The following DPP10 variants were observed in gnomAD, a reference collection of about 807,000 sequenced individuals.
The protein encoded by DPP10 is inactive dipeptidyl peptidase 10.
Under a neutral mutation model 120.9 loss-of-function variants are expected in DPP10, and 33 were observed. The ratio of observed to expected loss-of-function variants is 0.27; its 90% CI spans 0.21 to 0.37. DPP10 has a LOEUF of 0.37. Ranked by LOEUF, DPP10 falls within the 10% of genes least tolerant of loss-of-function variation. The probability of loss-of-function intolerance (pLI) is 1.00; values close to 1 mark genes in which losing one functional copy is unlikely to be tolerated. For synonymous variants in DPP10, 337 were observed against 326.1 expected (o/e 1.03, Z -0.36); for missense variants, 816 against 942.8 (o/e 0.87, Z 1.76).
intron 1 of DPP10, among the ~76,000 whole-genome samples, chr2:114,468,756 T>TG (rs1046596942): frequency 4.9e-4 from 74 of 152,316 alleles, no homozygotes; most frequent in African/African-American, 1.7e-3. Flanking sequence ...CAGAAGAGGA[T>TG]GCAGAACTTT....
chr2:114,639,101 G>A (rs941654039), intron 1 of DPP10, among the ~76,000 whole-genome samples: 2 of 151,826 alleles, frequency 1.3e-5, no homozygotes, highest in Non-Finnish European at 2.9e-5. Flanking sequence ...TGCTAATAAA[G>A]ACATACATAA....
intron 3 of DPP10, among the ~76,000 whole-genome samples, chr2:115,462,388 G>T (rs1389465203): frequency 6.6e-6 from 1 of 152,130 alleles, no homozygotes; most frequent in Non-Finnish European, 1.5e-5. Context: ...CAGCAGCAAG[G>T]TGATCACTAC....
At position 115,724,456 on chromosome 2, in the gene DPP10, C is replaced by T. The variant is rs140642110; in HGVS notation, c.577-3360C>T. Among the ~76,000 whole-genome samples, 652 of 152,280 alleles carry T rather than the reference C, an allele frequency of 4.3e-3. 6 individuals carry two copies. Among genetic ancestry groups the T allele is most frequent in the African/African-American group, 0.015 (628 of 41,558 alleles). ...TTGACTAACACATTGATTCGAATAT[C>T]CCTTGAAACATTTATGACATATTTC... is the stretch of plus-strand genomic sequence containing the variant. On this transcript the variant is annotated intron_variant, in intron 7 of 25. Coordinates refer to ENST00000410059, the MANE Select transcript of DPP10 (RefSeq NM_020868.6).
At chr2:115,705,858 G>A (rs1044511304) in intron 7 of DPP10, among the ~76,000 whole-genome samples, 3 of 151,664 alleles carry the variant, frequency 2.0e-5, no homozygotes, top group Non-Finnish European at 2.9e-5. Flanking sequence ...CATATCTAAC[G>A]TCTAATGGGT....
At chr2:114,576,834 G>T (rs565162523) in intron 1 of DPP10, among the ~76,000 whole-genome samples, 1 of 151,848 alleles carries the variant, frequency 6.6e-6, no homozygotes, top group South Asian at 2.1e-4. Context: ...GGGTCATCCT[G>T]TGTAGAAATT....
intron 3 of DPP10, among the ~76,000 whole-genome samples, chr2:115,495,365 G>GGAAAA (rs10649835): frequency 1.2e-5 from 1 of 82,240 alleles, no homozygotes; most frequent in African/African-American, 4.5e-5. Context: ...GCCATTTTCT[G>GGAAAA]AAAAAAAAAA....
intron 1 of DPP10, among the ~76,000 whole-genome samples, chr2:115,064,164 C>T (rs1706653220): frequency 6.6e-6 from 1 of 151,728 alleles, no homozygotes; most frequent in Non-Finnish European, 1.5e-5. Context: ...TTTTCTCTCC[C>T]TAATGTTAAA....
intron 1 of DPP10, among the ~76,000 whole-genome samples, chr2:114,766,191 C>G (rs919856258): frequency 6.6e-6 from 1 of 151,742 alleles, no homozygotes; most frequent in African/African-American, 2.4e-5. Context: ...TGGAAAAGAC[C>G]TAAATGGAAC....
At chr2:114,591,786 C>T (rs1421434103) in intron 1 of DPP10, among the ~76,000 whole-genome samples, 3 of 151,984 alleles carry the variant, frequency 2.0e-5, no homozygotes, top group Admixed American at 2.0e-4. Flanking sequence ...AACTCCTGAC[C>T]TCATGATCTG....
At chr2:115,678,360 G>T (rs926381292) in intron 5 of DPP10, among the ~76,000 whole-genome samples, 6 of 152,234 alleles carry the variant, frequency 3.9e-5, no homozygotes, top group Admixed American at 2.6e-4. Flanking sequence ...CTACTTTCCA[G>T]CTGCTCCTGC....
At chr2:114,532,342 A>C (rs150929134) in intron 1 of DPP10, among the ~76,000 whole-genome samples, 2,023 of 146,440 alleles carry the variant, frequency 0.014, 41 homozygotes, top group African/African-American at 0.043. Context: ...ATATCTCTCT[A>C]TATATATGTA....
At chr2:115,484,214 T>A (rs1157674295) in intron 3 of DPP10, among the ~76,000 whole-genome samples, 1 of 151,660 alleles carries the variant, frequency 6.6e-6, no homozygotes, top group East Asian at 2.0e-4. Flanking sequence ...CTTACCTGCA[T>A]TATGAAATGC....
At chr2:114,811,966 C>A (rs1188906698) in intron 1 of DPP10, among the ~76,000 whole-genome samples, 1 of 152,114 alleles carries the variant, frequency 6.6e-6, no homozygotes, top group African/African-American at 2.4e-5. Flanking sequence ...TATTTCCATC[C>A]CCAGCAGGAA....
chr2:115,079,495 G>T (rs1257121274), intron 1 of DPP10, among the ~76,000 whole-genome samples: 1 of 152,214 alleles, frequency 6.6e-6, no homozygotes, highest in Non-Finnish European at 1.5e-5. Flanking sequence ...GGGAGGCCCA[G>T]AGGAACAGTG....
intron 1 of DPP10, among the ~76,000 whole-genome samples, chr2:114,508,240 CT>C (rs1202663502): frequency 6.6e-6 from 1 of 152,162 alleles, no homozygotes; most frequent in Admixed American, 6.5e-5. Flanking sequence ...TCCTCATGTC[CT>C]TTTGCAATCA....
intron 1 of DPP10, among the ~76,000 whole-genome samples, chr2:114,845,540 C>G (rs1688480022): frequency 1.3e-5 from 2 of 152,208 alleles, no homozygotes; most frequent in African/African-American, 4.8e-5. Flanking sequence ...GACAGGGCCA[C>G]CACATACAGC....
Position 115,339,823 on chromosome 2 carries a change from G to C in DPP10, c.176-3994G>C, listed in dbSNP as rs547663750. On this transcript the variant is annotated intron_variant, in intron 2 of 25. Transcript: ENST00000410059. ...AGGGATTGGGTGGGGGACTGTTAAT[G>C]AAAGAGTGGCAGAAGAGATCCTAGT... is the stretch of plus-strand genomic sequence containing the variant. Among the ~76,000 whole-genome samples, 9 of 152,308 alleles carry C rather than the reference G, an allele frequency of 5.9e-5. No individual in the cohort carries two copies. In the East Asian group the frequency reaches 1.5e-3, roughly 26 times the overall value.
At chr2:115,002,260 T>A (rs555620945) in intron 1 of DPP10, among the ~76,000 whole-genome samples, 1 of 151,758 alleles carries the variant, frequency 6.6e-6, no homozygotes, top group Non-Finnish European at 1.5e-5. Flanking sequence ...CTGACAAAAA[T>A]AAGCAATGGG....
chr2:114,872,549 G>A (rs1009347651), intron 1 of DPP10, among the ~76,000 whole-genome samples: 3 of 152,190 alleles, frequency 2.0e-5, no homozygotes, highest in African/African-American at 7.2e-5. Flanking sequence ...AGGCTTTATA[G>A]TGCCAAGTGA....
Sources: allele counts gnomAD v4.1 joint callset (sites outside exome capture counted in the v4.1 genomes callset), GRCh38; gene constraint gnomAD v4.1.1; transcripts MANE v1.5; gene names NCBI Gene and HGNC (gene_info 2026-07-23, HGNC 2026-07-21).